ATP9B: variants seen among roughly 807,000 people sequenced by gnomAD.
ATP9B encodes the protein probable phospholipid-transporting ATPase IIB.
ATP9B carries 110 observed loss-of-function variants against 146.1 expected under a neutral mutation model. The observed-to-expected ratio is 0.75, with a 90% CI of 0.65 to 0.88. The LOEUF (loss-of-function observed/expected upper bound fraction) is 0.88. Among genes scored for constraint, ATP9B ranks in the 40% least tolerant of loss-of-function variants. The pLI is 0.00. For missense variants in ATP9B, 1,499 were observed against 1,496.4 expected (o/e 1.00, Z -0.03); for synonymous variants, 604 against 569.7 (o/e 1.06, Z -0.86).
intron 9 of ATP9B, among the ~76,000 whole-genome samples, chr18:79,205,141 T>G (rs540939670): frequency 6.6e-6 from 1 of 152,358 alleles, no homozygotes; most frequent in African/African-American, 2.4e-5. Context: ...CTTGCTATTT[T>G]GGGCATACAA....
intron 17 of ATP9B, among the ~76,000 whole-genome samples, chr18:79,334,793 T>C (rs2096812866): frequency 7.0e-6 from 1 of 143,658 alleles, no homozygotes; most frequent in African/African-American, 2.6e-5. Context: ...ACCCCCCCCT[T>C]GTGCCGGATA....
At chr18:79,184,789 G>A (rs1600250400) in intron 8 of ATP9B, among the ~76,000 whole-genome samples, 1 of 152,212 alleles carries the variant, frequency 6.6e-6, no homozygotes, top group East Asian at 1.9e-4. Context: ...TTGGTTGGCT[G>A]TAACACTTGG....
chr18:79,226,882 A>G (rs932033866), intron 11 of ATP9B, among the ~76,000 whole-genome samples: 4 of 152,040 alleles, frequency 2.6e-5, no homozygotes, highest in East Asian at 3.9e-4. Flanking sequence ...GTTGGGCCCT[A>G]TGTACTAGGC....
chr18:79,209,671 T>C (rs1016968865), intron 10 of ATP9B: 6 of 985,432 alleles, frequency 6.1e-6, no homozygotes, highest in Non-Finnish European at 6.0e-6. Flanking sequence ...TGTGTCTTCC[T>C]AGTGGGCATG....
rs114643422 is a variant in ATP9B, at chr18:79,231,152, G to A, written c.1107+17114G>A. Among the ~76,000 whole-genome samples the A allele has an allele frequency of 5.3e-3, 808 of 152,070 alleles. 9 individuals are homozygous for A. Among genetic ancestry groups the A allele is most frequent in the African/African-American group, 0.019 (778 of 41,502 alleles). Reference sequence around the variant, plus strand: ...GCAACAAAGACAGATAGATAGACGCGACATAAACTAAAAAGCTTCTGCACA... The same window carrying A: ...GCAACAAAGACAGATAGATAGACGCAACATAAACTAAAAAGCTTCTGCACA... On this transcript the variant is annotated intron_variant, in intron 11 of 29. Coordinates refer to ENST00000426216, the MANE Select transcript of ATP9B (RefSeq NM_198531.5).
At chr18:79,266,057 G>A (rs73001966) in intron 12 of ATP9B, among the ~76,000 whole-genome samples, 30,036 of 152,058 alleles carry the variant, frequency 0.2, 3,602 homozygotes, top group South Asian at 0.41. Flanking sequence ...TAAGTGTGCA[G>A]TCTTAGTTCT....
chr18:79,173,253 AC>A (rs1447094584), intron 7 of ATP9B, among the ~76,000 whole-genome samples: 7 of 152,318 alleles, frequency 4.6e-5, no homozygotes, highest in South Asian at 2.1e-4. Context: ...TATGTGGCTT[AC>A]AAATATTTTG....
rs773802367 is a variant in ATP9B, at chr18:79,337,448, A to G, written c.2282A>G (p.Lys761Arg). 7 of 1,608,586 alleles carry G rather than the reference A, an allele frequency of 4.4e-6. No individual in the cohort carries two copies. Among genetic ancestry groups the G allele is most frequent in the South Asian group, 1.1e-5 (1 of 90,960 alleles). The change falls in exon 19 of 30, where the codon AAG (lysine) becomes AGG (arginine). Residue 761 changes from lysine (K) to arginine (R), a missense_variant and splice_region_variant. By Grantham distance (26) the Lys-to-Arg change is conservative. Coordinates refer to ENST00000426216, the MANE Select transcript of ATP9B (RefSeq NM_198531.5). Reference protein sequence around the residue: ...TLEMLRNAGIKIWMLTGDKLE... With the variant: ...TLEMLRNAGIRIWMLTGDKLE... ...GAGATGCTGCGCAACGCCGGGATCA[A>G]GGTACTGCAGGCTCACCTCTGCTGG... is the stretch of plus-strand genomic sequence containing the variant.
intron 1 of ATP9B, 134 bp downstream of exon 1, chr18:79,069,663 C>T: frequency 1.9e-6 from 1 of 537,898 alleles, no homozygotes; most frequent in Non-Finnish European, 2.8e-6. Context: ...GCCGGGAGTC[C>T]TTGGCGTTCT....
intron 11 of ATP9B, among the ~76,000 whole-genome samples, chr18:79,233,400 A>G (rs562211550): frequency 1.3e-5 from 2 of 152,350 alleles, no homozygotes; most frequent in South Asian, 2.1e-4. Flanking sequence ...ACTAGACCAC[A>G]AATCCATGAA....
chr18:79,187,226 C>T (rs2095315899), intron 8 of ATP9B, among the ~76,000 whole-genome samples: 1 of 152,154 alleles, frequency 6.6e-6, no homozygotes, highest in South Asian at 2.1e-4. Context: ...CTTCTGTTTC[C>T]TGTACTGAAA....
rs140482398 is a variant in ATP9B, at chr18:79,207,033, T to C, written c.1030+21T>C. ...ATCAGGTAAGGAAAACATTCTCCTC[T>C]GAGTGTGATTGCTCCCGGATAGATG... is the stretch of plus-strand genomic sequence containing the variant. On this transcript the variant is annotated intron_variant, in intron 10 of 29. Coordinates refer to ENST00000426216, the MANE Select transcript of ATP9B (RefSeq NM_198531.5). The C allele has an allele frequency of 5.6e-6, 9 of 1,601,528 alleles. No homozygotes were observed. In the East Asian group the frequency reaches 2.0e-4, roughly 36 times the overall value.
intron 12 of ATP9B, chr18:79,254,516 A>T (rs1194803265): frequency 1.3e-5 from 2 of 152,348 alleles, no homozygotes; most frequent in African/African-American, 4.8e-5. Context: ...ATTCCTGTGG[A>T]TGCTGCCTTC....
chr18:79,098,481 C>CA (rs901052487), intron 2 of ATP9B, among the ~76,000 whole-genome samples: 3 of 149,546 alleles, frequency 2.0e-5, no homozygotes, highest in Non-Finnish European at 4.4e-5. Context: ...GCAACCTACT[C>CA]ATCTGACAAA....
At chr18:79,288,395 G>A (rs1373822468) in intron 13 of ATP9B, among the ~76,000 whole-genome samples, 11 of 152,148 alleles carry the variant, frequency 7.2e-5, no homozygotes, top group South Asian at 4.1e-4. Flanking sequence ...TTTGATCTTC[G>A]TTGGTTTAAA....
At chr18:79,161,811 A>C (rs2094886520) in intron 7 of ATP9B, among the ~76,000 whole-genome samples, 1 of 152,260 alleles carries the variant, frequency 6.6e-6, no homozygotes, top group South Asian at 2.1e-4. Flanking sequence ...GCACCACTGC[A>C]CTCCAGCCTG....
chr18:79,128,294 G>A (rs973491974), intron 5 of ATP9B, among the ~76,000 whole-genome samples: 4 of 152,126 alleles, frequency 2.6e-5, no homozygotes, highest in East Asian at 1.9e-4. Context: ...TCCTGACCTC[G>A]TGATCCACCC....
At chr18:79,214,966 G>A (rs1600543312) in intron 11 of ATP9B, among the ~76,000 whole-genome samples, 1 of 151,782 alleles carries the variant, frequency 6.6e-6, no homozygotes, top group African/African-American at 2.4e-5. Flanking sequence ...TGGCCAACAT[G>A]GTGAAACCCT....
At chr18:79,170,104 C>T (rs766636319) in intron 7 of ATP9B, among the ~76,000 whole-genome samples, 3 of 152,162 alleles carry the variant, frequency 2.0e-5, no homozygotes, top group Non-Finnish European at 4.4e-5. Context: ...GAGGGAAAGG[C>T]CAGGAGCTCT....
Sources: gnomAD v4.1 joint callset for allele counts (sites outside exome capture counted in the v4.1 genomes callset) on GRCh38, gnomAD v4.1.1 for gene constraint, MANE v1.5 for transcripts, NCBI Gene and HGNC (gene_info 2026-07-23, HGNC 2026-07-21) for gene names.